Variants in AMMECR1 observed in about 807,000 individuals in gnomAD.
The protein encoded by AMMECR1 is nuclear protein AMMECR1.
AMMECR1 carries 3 observed loss-of-function variants against 22.5 expected under a neutral mutation model. The observed-to-expected ratio is 0.13, with a 90% CI of 0.06 to 0.35. The LOEUF is 0.35. AMMECR1 is among the 10% of genes least tolerant of loss of function. The pLI is 1.00. For missense variants in AMMECR1, 235 were observed against 278.7 expected (o/e 0.84, Z 1.12); for synonymous variants, 130 against 116.7 (o/e 1.11, Z -0.74).
intron 1 of AMMECR1, among the ~76,000 whole-genome samples, chrX:110,284,309 C>T (rs1418501633): frequency 4.5e-5 from 5 of 111,105 alleles, no homozygotes; most frequent in African/African-American, 1.6e-4. Flanking sequence ...CATGATAGTT[C>T]CGTAGAAAGT....
At chrX:110,416,815 G>A (rs1205960287) in intron 2 of AMMECR1, among the ~76,000 whole-genome samples, 1 of 112,226 alleles carries the variant, frequency 8.9e-6, no homozygotes, top group Non-Finnish European at 1.9e-5. Context: ...AGGTGGCCCA[G>A]TGGTTAGAGC....
intron 2 of AMMECR1, among the ~76,000 whole-genome samples, chrX:110,403,358 A>G (rs1022370595): frequency 1.8e-5 from 2 of 112,435 alleles, no homozygotes; most frequent in African/African-American, 6.5e-5. Context: ...ATTCCTTCAA[A>G]GTATGTTGCT....
chrX:110,284,815 C>T (rs1362431217), intron 1 of AMMECR1, among the ~76,000 whole-genome samples: 1 of 112,135 alleles, frequency 8.9e-6, no homozygotes, highest in African/African-American at 3.2e-5. Context: ...GAATGAATTA[C>T]ACAGGGGTCA....
chrX:110,206,835 T>C (rs1346017063), intron 3 of AMMECR1, among the ~76,000 whole-genome samples: 1 of 112,104 alleles, frequency 8.9e-6, no homozygotes, highest in African/African-American at 3.2e-5. Flanking sequence ...TGTAATAATA[T>C]GGCCATGGCT....
At chrX:110,361,074 C>T (rs913534231) in intron 2 of AMMECR1, among the ~76,000 whole-genome samples, 1 of 110,605 alleles carries the variant, frequency 9.0e-6, no homozygotes, top group Non-Finnish European at 1.9e-5. Flanking sequence ...TAATAGGTAT[C>T]TCCAACTTAC....
At chrX:110,231,042 T>C in intron 2 of AMMECR1, among the ~76,000 whole-genome samples, 1 of 111,990 alleles carries the variant, frequency 8.9e-6, no homozygotes, top group South Asian at 3.7e-4. Context: ...AAAGACCAAA[T>C]CTACGTGTGA....
rs1247385721 is a variant in AMMECR1 at position 110,317,767 on chromosome X, G to A, written c.305C>T (p.Ala102Val). 2.4e-5 allele frequency: 28 copies of A among 1,178,678 alleles called. No homozygotes were observed. The highest frequency in any genetic ancestry group is 2.4e-4 in the Middle Eastern group (1 of 4,253). Residue 102 changes from alanine to valine, a missense_variant, in exon 1 of 6, where the codon GCC (alanine) becomes GTC (valine). Coordinates refer to ENST00000262844, the MANE Select transcript of AMMECR1 (RefSeq NM_015365.3). ...GVGTLLSTPA[A>V]ATSSSPSSSS... Reference sequence around the variant, plus strand: ...TGAGGAGGGTGAGGAAGAGGTGGCGGCGGCCGGGGTAGAAAGTAGGGTCCC... The same window carrying A: ...TGAGGAGGGTGAGGAAGAGGTGGCGACGGCCGGGGTAGAAAGTAGGGTCCC...
At chrX:110,212,827 A>T (rs1199712797) in intron 3 of AMMECR1, among the ~76,000 whole-genome samples, 1 of 112,052 alleles carries the variant, frequency 8.9e-6, no homozygotes, top group Non-Finnish European at 1.9e-5. Context: ...CATATTCAAT[A>T]TGATCTGTTA....
chrX:110,438,342 C>T (rs2068854430), intron 1 of AMMECR1, among the ~76,000 whole-genome samples: 1 of 111,834 alleles, frequency 8.9e-6, no homozygotes, highest in South Asian at 3.8e-4. Flanking sequence ...ATGGAACATT[C>T]TTAATGCTCC....
chrX:110,322,473 A>G (rs1441802977), upstream of AMMECR1, among the ~76,000 whole-genome samples: 1 of 112,058 alleles, frequency 8.9e-6, no homozygotes, highest in East Asian at 2.8e-4. Context: ...GAAAATGTAC[A>G]TAATGAAACC....
At chrX:110,435,463 G>T (rs2068832111) in intron 1 of AMMECR1, among the ~76,000 whole-genome samples, 1 of 111,936 alleles carries the variant, frequency 8.9e-6, no homozygotes, top group Non-Finnish European at 1.9e-5. Flanking sequence ...ACCACAGCTG[G>T]TCTCCTAGGA....
intron 1 of AMMECR1, among the ~76,000 whole-genome samples, chrX:110,296,912 C>T (rs2067939211): frequency 9.0e-6 from 1 of 110,793 alleles, no homozygotes; most frequent in Non-Finnish European, 1.9e-5. Flanking sequence ...GAATTAAGTG[C>T]CATAGTTTAC....
Position 110,436,651 on chromosome X carries a change from C to T in AMMECR1, c.-294+3239G>A, listed in dbSNP as rs776189635. On this transcript the variant is annotated intron_variant, in intron 1 of 7. Transcript: ENST00000372057. Reference sequence around the variant, plus strand: ...CACAGAAAGCTGAGCTCCTTGTCACCACATACCTTGAAAGAGTGGACTCTG... The same window carrying T: ...CACAGAAAGCTGAGCTCCTTGTCACTACATACCTTGAAAGAGTGGACTCTG... Among the ~76,000 whole-genome samples the T allele has an allele frequency of 2.7e-5, 3 of 111,848 alleles. No individual in the cohort carries two copies. The South Asian group carries it at 1.1e-3, about 43-fold the overall frequency.
chrX:110,348,382 T>C (rs1242587089), intron 2 of AMMECR1, among the ~76,000 whole-genome samples: 6 of 112,360 alleles, frequency 5.3e-5, no homozygotes, highest in Non-Finnish European at 9.4e-5. Context: ...TCTTTTTGAC[T>C]AAGTACTTAG....
At chrX:110,422,474 T>A (rs994695111) in intron 2 of AMMECR1, among the ~76,000 whole-genome samples, 1 of 112,780 alleles carries the variant, frequency 8.9e-6, no homozygotes, top group Non-Finnish European at 1.9e-5. Flanking sequence ...ATTTACCTGT[T>A]CTCCCCAGTT....
At chrX:110,400,664 G>C (rs1051577028) in intron 2 of AMMECR1, among the ~76,000 whole-genome samples, 1 of 111,230 alleles carries the variant, frequency 9.0e-6, no homozygotes, top group African/African-American at 3.3e-5. Context: ...TGCTTGTCTC[G>C]CAAATATTTT....
In AMMECR1 at chrX:110,429,484, TTTG is replaced by T. The variant is rs1426360773; in HGVS notation, c.-293-2684_-293-2682del. Reference sequence around the variant, plus strand: ...TTTTTTTTTTTTTTTGTTTTGTTTTTTTGGTTTTTTTGTTTTTACAGAGGCTTG... The same window carrying T: ...TTTTTTTTTTTTTTTGTTTTGTTTTTGTTTTTTTGTTTTTACAGAGGCTTG... On this transcript the variant is annotated intron_variant, in intron 1 of 7. Transcript: ENST00000372057. Among the ~76,000 whole-genome samples the T allele has an allele frequency of 4.0e-4, 38 of 95,934 alleles. 1 individual carries two copies. The highest frequency in any genetic ancestry group is 1.4e-3 in the African/African-American group (35 of 25,135). 83.3% of individuals were successfully genotyped at this position (95,934 alleles called of 115,157 possible). A position where few individuals can be genotyped will look rare whatever the true frequency, so the allele number is the denominator to read the frequency against.
intron 2 of AMMECR1, among the ~76,000 whole-genome samples, chrX:110,339,063 C>T (rs1021596843): frequency 1.8e-5 from 2 of 111,443 alleles, no homozygotes; most frequent in African/African-American, 6.5e-5. Context: ...GAGGCTGGGA[C>T]CTTTGAGTAA....
chrX:110,403,385 G>A (rs181097803), intron 2 of AMMECR1, among the ~76,000 whole-genome samples: 4 of 112,471 alleles, frequency 3.6e-5, no homozygotes, highest in African/African-American at 1.3e-4. Flanking sequence ...CACTGAAAGT[G>A]GACTTGACCT....
Sources: allele counts gnomAD v4.1 joint callset (sites outside exome capture counted in the v4.1 genomes callset), GRCh38; gene constraint gnomAD v4.1.1; transcripts MANE v1.5; gene names NCBI Gene and HGNC (gene_info 2026-07-23, HGNC 2026-07-21).